ARHGAP26: variants seen among roughly 807,000 people sequenced by gnomAD.
ARHGAP26 encodes the protein rho GTPase-activating protein 26.
A neutral mutation model predicts 104.8 loss-of-function variants in ARHGAP26; 38 were observed. That is an observed-to-expected ratio of 0.36 (90% CI 0.28 to 0.48). The LOEUF (loss-of-function observed/expected upper bound fraction) is 0.48. Among genes scored for constraint, ARHGAP26 ranks in the 20% least tolerant of loss-of-function variants. ARHGAP26 has a pLI of 0.99. For missense variants in ARHGAP26, 704 were observed against 947.9 expected (o/e 0.74, Z 3.38); for synonymous variants, 341 against 340.0 (o/e 1.00, Z -0.03).
chr5:142,973,012 A>G (rs1035070163), intron 11 of ARHGAP26, among the ~76,000 whole-genome samples: 1 of 152,090 alleles, frequency 6.6e-6, no homozygotes, highest in Admixed American at 6.6e-5. Context: ...ATTTTATACC[A>G]TATTTTATTA....
intron 11 of ARHGAP26, among the ~76,000 whole-genome samples, chr5:142,952,741 G>A (rs768416657): frequency 2.0e-4 from 30 of 151,918 alleles, no homozygotes; most frequent in Non-Finnish European, 3.5e-4. Context: ...ACAGAGTCTC[G>A]CTCTATCACC....
At chr5:142,785,438 G>A (rs1159983746) in intron 1 of ARHGAP26, among the ~76,000 whole-genome samples, 1 of 152,216 alleles carries the variant, frequency 6.6e-6, no homozygotes, top group Admixed American at 6.5e-5. Flanking sequence ...ACTCACTGCC[G>A]AGGGGGCCTT....
intron 17 of ARHGAP26, among the ~76,000 whole-genome samples, chr5:143,119,143 G>A (rs1795839788): frequency 6.6e-6 from 1 of 152,178 alleles, no homozygotes; most frequent in African/African-American, 2.4e-5. Context: ...TGAAATTAGA[G>A]GTTCTTGGGT....
intron 4 of ARHGAP26, among the ~76,000 whole-genome samples, chr5:142,884,677 G>A (rs1757466670): frequency 1.3e-5 from 2 of 152,200 alleles, no homozygotes; most frequent in African/African-American, 2.4e-5. Context: ...AAGTGATGTT[G>A]CTGCTGCTGC....
At chr5:142,865,275 C>G (rs1285782250) in intron 1 of ARHGAP26, among the ~76,000 whole-genome samples, 1 of 152,204 alleles carries the variant, frequency 6.6e-6, no homozygotes, top group African/African-American at 2.4e-5. Context: ...TAAGCACCTA[C>G]TATGTGACTT....
At chr5:142,798,962 C>G (rs1761519794) in intron 1 of ARHGAP26, among the ~76,000 whole-genome samples, 1 of 152,206 alleles carries the variant, frequency 6.6e-6, no homozygotes, top group Non-Finnish European at 1.5e-5. Context: ...CTTGAAGGCC[C>G]AGTAGCTGCC....
chr5:142,971,799 G>C (rs1035081224), intron 11 of ARHGAP26, among the ~76,000 whole-genome samples: 1 of 152,146 alleles, frequency 6.6e-6, no homozygotes, highest in Non-Finnish European at 1.5e-5. Context: ...GTGCTTGAAG[G>C]CTTCTCTGAT....
At chr5:142,799,583 A>T (rs1761653131) in intron 1 of ARHGAP26, among the ~76,000 whole-genome samples, 1 of 152,196 alleles carries the variant, frequency 6.6e-6, no homozygotes, top group Non-Finnish European at 1.5e-5. Context: ...AATACCACAG[A>T]TTGGGTAACT....
intron 8 of ARHGAP26, among the ~76,000 whole-genome samples, chr5:142,904,943 G>A (rs549195344): frequency 6.6e-6 from 1 of 152,256 alleles, no homozygotes; most frequent in Admixed American, 6.5e-5. Flanking sequence ...TCAAAAATTT[G>A]TTTGGACTTA....
chr5:142,844,302 C>T (rs562318627), intron 1 of ARHGAP26, among the ~76,000 whole-genome samples: 27 of 151,966 alleles, frequency 1.8e-4, no homozygotes, highest in African/African-American at 3.9e-4. Flanking sequence ...CCGCCTGCCT[C>T]GGCCTCCCAG....
At chr5:143,005,797 C>T (rs1052483014) in intron 11 of ARHGAP26, among the ~76,000 whole-genome samples, 5 of 152,188 alleles carry the variant, frequency 3.3e-5, no homozygotes, top group African/African-American at 4.8e-5. Context: ...CCAGCAAGAA[C>T]GCTTCCGGGG....
intron 20 of ARHGAP26, among the ~76,000 whole-genome samples, chr5:143,152,187 A>G (rs756411202): frequency 9.2e-5 from 14 of 152,220 alleles, no homozygotes; most frequent in Admixed American, 2.6e-4. Flanking sequence ...GTCAAAACCC[A>G]TAGAACACAA....
intron 11 of ARHGAP26, among the ~76,000 whole-genome samples, chr5:143,008,496 G>T (rs547872137): frequency 6.6e-6 from 1 of 152,306 alleles, no homozygotes; most frequent in East Asian, 1.9e-4. Flanking sequence ...TCTCCACATT[G>T]GTACATCAGG....
At chr5:142,973,843 G>T (rs37198) in intron 11 of ARHGAP26, among the ~76,000 whole-genome samples, 12,098 of 152,162 alleles carry the variant, frequency 0.08, 738 homozygotes, top group East Asian at 0.27. Context: ...GTTGGTTTAG[G>T]GGGAGGTGGG....
At chr5:142,999,334 G>A (rs1314771242) in intron 11 of ARHGAP26, among the ~76,000 whole-genome samples, 1 of 152,092 alleles carries the variant, frequency 6.6e-6, no homozygotes, top group Non-Finnish European at 1.5e-5. Context: ...ACACTTACCT[G>A]CTTGTCCTTT....
chr5:142,909,034 C>G (rs1330988934), intron 9 of ARHGAP26, among the ~76,000 whole-genome samples: 2 of 152,024 alleles, frequency 1.3e-5, no homozygotes, highest in African/African-American at 4.8e-5. Context: ...CTTTTTTAAT[C>G]TATTGCTTGG....
chr5:142,849,377 G>C (rs992155529), intron 1 of ARHGAP26, among the ~76,000 whole-genome samples: 4 of 152,216 alleles, frequency 2.6e-5, no homozygotes, highest in Admixed American at 6.5e-5. Flanking sequence ...TTTGTATTTG[G>C]CTTTTCTTTT....
chr5:142,958,509 A>G (rs535941110), intron 11 of ARHGAP26, among the ~76,000 whole-genome samples: 34 of 152,192 alleles, frequency 2.2e-4, no homozygotes, highest in Middle Eastern at 3.4e-3. Flanking sequence ...TTTACAAAAT[A>G]TAAAACAAAT....
chr5:142,812,321 A>G (rs1764246703), intron 1 of ARHGAP26, among the ~76,000 whole-genome samples: 1 of 151,240 alleles, frequency 6.6e-6, no homozygotes, highest in Admixed American at 6.6e-5. Context: ...TGGTGCAGTC[A>G]TGGCTCACTG....
Sources: gnomAD v4.1 joint callset for allele counts (sites outside exome capture counted in the v4.1 genomes callset) on GRCh38, gnomAD v4.1.1 for gene constraint, MANE v1.5 for transcripts, NCBI Gene and HGNC (gene_info 2026-07-23, HGNC 2026-07-21) for gene names.